The following ANTXR1 variants were observed in gnomAD, a reference collection of about 807,000 sequenced individuals.
ANTXR1 encodes anthrax toxin receptor 1.
A neutral mutation model predicts 78.1 loss-of-function variants in ANTXR1; 19 were observed. The ratio of observed to expected loss-of-function variants is 0.24; its 90% CI spans 0.17 to 0.36. The LOEUF (loss-of-function observed/expected upper bound fraction) is 0.36, where lower values mean the gene tolerates loss of function less well. ANTXR1 is among the 10% of genes least tolerant of loss of function. The pLI is 1.00. For missense variants in ANTXR1, 518 were observed against 718.6 expected (o/e 0.72, Z 3.19); for synonymous variants, 273 against 260.5 (o/e 1.05, Z -0.46).
At chr2:69,046,266 G>A (rs1490014254) in intron 3 of ANTXR1, among the ~76,000 whole-genome samples, 2 of 152,160 alleles carry the variant, frequency 1.3e-5, no homozygotes, top group Non-Finnish European at 2.9e-5. Flanking sequence ...TCACTTGCAG[G>A]TGCTTTGTGT....
chr2:69,199,752 G>T (rs1674732622), intron 17 of ANTXR1, among the ~76,000 whole-genome samples: 1 of 152,096 alleles, frequency 6.6e-6, no homozygotes, highest in Admixed American at 6.5e-5. Flanking sequence ...TGATTCTAAT[G>T]GGCATCTAAG....
intron 11 of ANTXR1, 140 bp from the exon 12 acceptor site, chr2:69,124,425 A>AC (rs1672462342): frequency 1.3e-6 from 1 of 765,242 alleles, no homozygotes; most frequent in African/African-American, 1.7e-5. Context: ...GGAAACTCAG[A>AC]CCCCTCCTCC....
intron 17 of ANTXR1, among the ~76,000 whole-genome samples, chr2:69,212,187 G>A (rs527415197): frequency 1.3e-5 from 2 of 152,312 alleles, no homozygotes; most frequent in Non-Finnish European, 2.9e-5. Context: ...GATAAAAGAG[G>A]AGAATCACAA....
intron 12 of ANTXR1, among the ~76,000 whole-genome samples, chr2:69,132,178 G>C (rs1319771431): frequency 6.6e-6 from 1 of 152,212 alleles, no homozygotes; most frequent in Non-Finnish European, 1.5e-5. Context: ...CAGAAACATA[G>C]ATTACAGCAG....
chr2:69,096,506 G>A lies in ANTXR1; in HGVS notation c.703+5587G>A, dbSNP rs555120176. Among the ~76,000 whole-genome samples, 27 of 151,672 alleles carry A rather than the reference G, an allele frequency of 1.8e-4. 1 individual carries two copies. The South Asian group carries it at 5.7e-3, about 32-fold the overall frequency. Reference sequence around the variant, plus strand: ...AAAGAGGGAGGGAGGGAGGGAGGGAGGAAGGGAGAGAGGAAGGAAGGAATC... The same window carrying A: ...AAAGAGGGAGGGAGGGAGGGAGGGAAGAAGGGAGAGAGGAAGGAAGGAATC... On this transcript the variant is annotated intron_variant, in intron 9 of 17. Coordinates refer to ENST00000303714, the MANE Select transcript of ANTXR1 (RefSeq NM_032208.3).
In ANTXR1 at chr2:69,120,910, C is replaced by T. The variant is rs74645017; in HGVS notation, c.803-2107C>T. Among the ~76,000 whole-genome samples, 1,069 of 152,320 alleles carry T rather than the reference C, an allele frequency of 7.0e-3. 16 individuals are homozygous for T. The East Asian group carries it at 0.072, about 10-fold the overall frequency. On this transcript the variant is annotated intron_variant, in intron 10 of 17. Coordinates refer to ENST00000303714, the MANE Select transcript of ANTXR1 (RefSeq NM_032208.3). ...TGGTCATCTGGCCCTGCTGCCTTTT[C>T]TAGCCTCATTTGGAGCCATTGTCTG...
intron 17 of ANTXR1, among the ~76,000 whole-genome samples, chr2:69,224,699 C>G (rs1675399020): frequency 6.6e-6 from 1 of 152,148 alleles, no homozygotes; most frequent in Non-Finnish European, 1.5e-5. Context: ...TCTTCCATCC[C>G]CAAACATGAA....
rs745380835 is a variant in ANTXR1, at chr2:69,193,375, A to G, written c.1394A>G (p.Tyr465Cys). 1.9e-6 allele frequency: 3 copies of G among 1,613,660 alleles called. No individual in the cohort carries two copies. The Admixed American group carries it at 5.0e-5, about 27-fold the overall frequency. ...TTGTGGGTCCTACTGAGGAAAGGATATGATCGTGTGTCTGTGATGCGTCCA... is the reference window on the plus strand; with the variant it reads ...TTGTGGGTCCTACTGAGGAAAGGATGTGATCGTGTGTCTGTGATGCGTCCA... ...DALWVLLRKG[Y>C]DRVSVMRPQP... The change falls in exon 17 of 18, where the codon TAT becomes TGT. Residue 465 changes from tyrosine (Y) to cysteine (C), a missense_variant. Transcript: ENST00000303714.
At chr2:69,015,742 T>C (rs1671007565) in intron 1 of ANTXR1, among the ~76,000 whole-genome samples, 1 of 152,052 alleles carries the variant, frequency 6.6e-6, no homozygotes, top group Non-Finnish European at 1.5e-5. Flanking sequence ...GAGATTTGAA[T>C]ATATTAAAAT....
At chr2:69,060,677 G>A (rs553027852) in intron 3 of ANTXR1, among the ~76,000 whole-genome samples, 7 of 152,292 alleles carry the variant, frequency 4.6e-5, no homozygotes, top group African/African-American at 1.7e-4. Context: ...TGCTGAAAGA[G>A]GTTGAGGAAC....
intron 13 of ANTXR1, among the ~76,000 whole-genome samples, chr2:69,169,035 C>T (rs1367263757): frequency 6.6e-6 from 1 of 152,352 alleles, no homozygotes; most frequent in East Asian, 1.9e-4. Context: ...GGGTGGGTAA[C>T]AGCGTGGGGA....
At chr2:69,151,047 A>G (rs1673376883) in intron 12 of ANTXR1, among the ~76,000 whole-genome samples, 1 of 152,106 alleles carries the variant, frequency 6.6e-6, no homozygotes, top group South Asian at 2.1e-4. Flanking sequence ...AAATAAAATT[A>G]TTTGACAATG....
chr2:69,124,415 G>C (rs1672462053), intron 11 of ANTXR1, 150 bp from the exon 12 acceptor site: 2 of 719,098 alleles, frequency 2.8e-6, no homozygotes, highest in Admixed American at 2.1e-5. Flanking sequence ...TTACAAAAGA[G>C]GAAACTCAGA....
intron 15 of ANTXR1, 115 bp downstream of exon 15, chr2:69,181,996 C>T: frequency 3.0e-6 from 3 of 987,260 alleles, no homozygotes; most frequent in Non-Finnish European, 3.2e-6. Flanking sequence ...GGCAGTATGG[C>T]CGTAGACCAC....
chr2:69,071,716 T>C (rs995477238), intron 4 of ANTXR1, 38 bp from the exon 5 acceptor site: 63 of 1,610,270 alleles, frequency 3.9e-5, no homozygotes, highest in Non-Finnish European at 5.3e-5. Context: ...TGACAAACAG[T>C]GGTTATAAGT....
At chr2:69,045,751 A>G (rs1265825562) in intron 3 of ANTXR1, among the ~76,000 whole-genome samples, 2 of 152,182 alleles carry the variant, frequency 1.3e-5, no homozygotes, top group South Asian at 2.1e-4. Flanking sequence ...TGTAACAGAA[A>G]GAGTGCTCTG....
At chr2:69,131,844 C>G (rs1672757441) in intron 12 of ANTXR1, among the ~76,000 whole-genome samples, 1 of 152,130 alleles carries the variant, frequency 6.6e-6, no homozygotes, top group Admixed American at 6.5e-5. Flanking sequence ...ATCCAAGGAG[C>G]TTGAGCATAA....
At chr2:69,202,739 C>A (rs1378401856) in intron 17 of ANTXR1, among the ~76,000 whole-genome samples, 1 of 152,128 alleles carries the variant, frequency 6.6e-6, no homozygotes, top group African/African-American at 2.4e-5. Flanking sequence ...TGTGATGTGG[C>A]TGGAGGAGTG....
intron 3 of ANTXR1, among the ~76,000 whole-genome samples, chr2:69,064,979 T>G (rs1411677437): frequency 6.6e-6 from 1 of 152,042 alleles, no homozygotes; most frequent in East Asian, 1.9e-4. Context: ...AAGAACTTAT[T>G]AAGCTCAAAA....
Sources: gnomAD v4.1 joint callset for allele counts (sites outside exome capture counted in the v4.1 genomes callset) on GRCh38, gnomAD v4.1.1 for gene constraint, MANE v1.5 for transcripts, NCBI Gene and HGNC (gene_info 2026-07-23, HGNC 2026-07-21) for gene names.